RBL1: variants seen among roughly 807,000 people sequenced by gnomAD.
RBL1 encodes the protein RB transcriptional corepressor like 1, also known as retinoblastoma-like protein 1.
RBL1 carries 82 observed loss-of-function variants against 123.0 expected under a neutral mutation model. The ratio of observed to expected loss-of-function variants is 0.67; its 90% CI spans 0.56 to 0.80. The LOEUF (loss-of-function observed/expected upper bound fraction) is 0.80. RBL1 is among the 30% of genes least tolerant of loss of function. The pLI is 0.00. For missense variants in RBL1, 1,171 were observed against 1,299.6 expected (o/e 0.90, Z 1.52); for synonymous variants, 405 against 441.3 (o/e 0.92, Z 1.03).
At chr20:37,022,002 T>C (rs1350936884) in intron 17 of RBL1, 1 of 152,224 alleles carries the variant, frequency 6.6e-6, no homozygotes, top group Non-Finnish European at 1.5e-5. Flanking sequence ...TCAACCACCA[T>C]AGTGCTGCAG....
chr20:37,035,414 TG>T lies in RBL1; in HGVS notation c.1997del (p.Pro666GlnfsTer10). On this transcript the variant is annotated frameshift_variant, in exon 15 of 22. Coordinates refer to ENST00000373664, the MANE Select transcript of RBL1 (RefSeq NM_002895.5). LOFTEE classifies it high-confidence loss of function. The stretch of plus-strand genomic sequence containing the variant: ...TGATCTTGTCCATAAGCATTTCCTT[TG>T]GGGGGTCCTCTCCAAAGAGTCTTCT... Reference protein sequence around the residue: ...AKRRLFGEDPPKEMLMDKIIT... With the variant: ...AKRRLFGEDPXKEMLMDKIIT... 6.2e-7 allele frequency: 1 copy of T among 1,614,112 alleles called. No individual in the cohort carries two copies. The highest frequency in any genetic ancestry group is 2.2e-5 in the East Asian group (1 of 44,868).
In RBL1 at chr20:37,018,211, A is replaced by G. The variant is rs1024150182; in HGVS notation, c.2722+68T>C. 5.7e-6 allele frequency: 8 copies of G among 1,407,574 alleles called. No individual in the cohort carries two copies. The Admixed American group carries it at 2.4e-4, about 42-fold the overall frequency. The allele number at this position is 1,407,574 out of a possible 1,614,324, so 87.2% of individuals were successfully genotyped here. A position where few individuals can be genotyped will look rare whatever the true frequency, so the allele number is the denominator to read the frequency against. On this transcript the variant is annotated intron_variant, in intron 19 of 21. Coordinates refer to ENST00000373664, the MANE Select transcript of RBL1 (RefSeq NM_002895.5). ...GATTCACATTTCCATGTTGTCTGAC[A>G]CCCACTGTATTATGTACAGTGTGAT...
chr20:37,041,385 G>A (rs935579127), intron 13 of RBL1, among the ~76,000 whole-genome samples: 1 of 151,906 alleles, frequency 6.6e-6, no homozygotes. Flanking sequence ...GCAATGGCAC[G>A]ATCTCAGCTC....
Position 37,020,709 on chromosome 20 carries a change from A to G in RBL1, c.2581T>C (p.Phe861Leu), listed in dbSNP as rs1048109164. ...CTATAACTTTTCATAATTTCTTGAA[A>G]AGTTCTTTCTTCTTTTGTTACCTAA... Reference protein sequence around the residue: ...MAKVTKEERTFQEIMKSYRNQ... With the variant: ...MAKVTKEERTLQEIMKSYRNQ... The change falls in exon 18 of 22, where the codon TTT (phenylalanine) becomes CTT (leucine). Residue 861 changes from phenylalanine (F) to leucine (L), a missense_variant. By Grantham distance (22) the Phe-to-Leu change is conservative. Transcript: ENST00000373664. 6.3e-7 allele frequency: 1 copy of G among 1,586,404 alleles called. No homozygotes were observed. The highest frequency in any genetic ancestry group is 1.1e-5 in the South Asian group (1 of 87,222).
intron 19 of RBL1, among the ~76,000 whole-genome samples, chr20:37,012,156 C>A (rs1399539666): frequency 6.6e-6 from 1 of 152,240 alleles, no homozygotes; most frequent in Non-Finnish European, 1.5e-5. Flanking sequence ...GAGTCTGGTT[C>A]ACTCAGTGCT....
chr20:37,024,468 A>G (rs1161644066), intron 16 of RBL1, among the ~76,000 whole-genome samples: 1 of 152,254 alleles, frequency 6.6e-6, no homozygotes, highest in Non-Finnish European at 1.5e-5. Flanking sequence ...CAATGCTTAC[A>G]GGATACACAT....
intron 18 of RBL1, among the ~76,000 whole-genome samples, chr20:37,018,702 A>G (rs527323421): frequency 6.6e-6 from 1 of 152,338 alleles, no homozygotes; most frequent in African/African-American, 2.4e-5. Flanking sequence ...CTGTAATCCC[A>G]GCACTTTGGG....
intron 15 of RBL1, among the ~76,000 whole-genome samples, chr20:37,033,964 T>C (rs1377587799): frequency 6.9e-6 from 1 of 145,762 alleles, no homozygotes; most frequent in Non-Finnish European, 1.5e-5. Context: ...TTTTTGACAA[T>C]GTCTTGCTCT....
At chr20:37,037,083 G>GT (rs1309876500) in intron 14 of RBL1, among the ~76,000 whole-genome samples, 2 of 152,142 alleles carry the variant, frequency 1.3e-5, no homozygotes, top group African/African-American at 4.8e-5. Context: ...TACTTCTCCT[G>GT]TCTTCAGTAA....
chr20:37,039,413 C>T (rs113015436), intron 14 of RBL1, among the ~76,000 whole-genome samples: 4 of 152,294 alleles, frequency 2.6e-5, no homozygotes, highest in African/African-American at 9.6e-5. Context: ...ATAATTCCCA[C>T]GTGTCATGGG....
chr20:37,016,763 C>T (rs1233037795), intron 19 of RBL1, among the ~76,000 whole-genome samples: 3 of 151,858 alleles, frequency 2.0e-5, no homozygotes, highest in Non-Finnish European at 4.4e-5. Flanking sequence ...CCCACCTCTA[C>T]AAAAAATTAG....
At chr20:37,079,492 G>A (rs2065416755) in intron 2 of RBL1, among the ~76,000 whole-genome samples, 1 of 130,454 alleles carries the variant, frequency 7.7e-6, no homozygotes, top group South Asian at 2.3e-4. Context: ...TTTTGAGAAG[G>A]GTCTTGCTCT....
At chr20:37,069,736 G>A (rs970292359) in intron 2 of RBL1, among the ~76,000 whole-genome samples, 3 of 150,926 alleles carry the variant, frequency 2.0e-5, no homozygotes, top group East Asian at 2.0e-4. Context: ...CACCCAGTCC[G>A]GGAGGGAGGT....
chr20:37,072,625 A>G (rs1417524153), intron 2 of RBL1, among the ~76,000 whole-genome samples: 5 of 152,238 alleles, frequency 3.3e-5, no homozygotes, highest in Non-Finnish European at 7.3e-5. Flanking sequence ...ACTGGAAGCT[A>G]GGATGAAGGC....
At chr20:37,090,596 C>T (rs751640288) in intron 1 of RBL1, among the ~76,000 whole-genome samples, 1 of 152,114 alleles carries the variant, frequency 6.6e-6, no homozygotes, top group African/African-American at 2.4e-5. Flanking sequence ...TGGGGATTTA[C>T]CCCAAAACAT....
chr20:37,082,251 T>C (rs1156286702), intron 2 of RBL1, among the ~76,000 whole-genome samples: 1 of 152,088 alleles, frequency 6.6e-6, no homozygotes, highest in Non-Finnish European at 1.5e-5. Context: ...TGCACCTCAG[T>C]GGAGCAGAGC....
At chr20:37,073,030 C>A (rs140933269) in intron 2 of RBL1, among the ~76,000 whole-genome samples, 1 of 152,144 alleles carries the variant, frequency 6.6e-6, no homozygotes, top group Non-Finnish European at 1.5e-5. Context: ...TGGCTCACTG[C>A]GGGCTTGACT....
Position 37,026,633 on chromosome 20 carries a change from G to A in RBL1, c.2383-3807C>T, listed in dbSNP as rs545361739. ...GCAGGAGAATTGCTTGAACCCGGGCGGCAGAGGTTGCAGTGAGCCAAGATC... is the reference window on the plus strand; with the variant it reads ...GCAGGAGAATTGCTTGAACCCGGGCAGCAGAGGTTGCAGTGAGCCAAGATC... On this transcript the variant is annotated intron_variant, in intron 16 of 21. Transcript: ENST00000373664. Among the ~76,000 whole-genome samples the A allele has an allele frequency of 5.3e-5, 8 of 151,574 alleles. No individual in the cohort carries two copies. In the East Asian group the frequency reaches 9.7e-4, roughly 18 times the overall value.
intron 11 of RBL1, among the ~76,000 whole-genome samples, chr20:37,053,791 T>C (rs1311807817): frequency 6.6e-6 from 1 of 152,184 alleles, no homozygotes; most frequent in East Asian, 1.9e-4. Flanking sequence ...ATTTACTGTA[T>C]ACATTCTTTT....
Sources: gnomAD v4.1 joint callset for allele counts (sites outside exome capture counted in the v4.1 genomes callset) on GRCh38, gnomAD v4.1.1 for gene constraint, MANE v1.5 for transcripts, NCBI Gene and HGNC (gene_info 2026-07-23, HGNC 2026-07-21) for gene names.